Variants in RPAP2 observed in about 807,000 individuals in gnomAD.
RPAP2 encodes RNA polymerase II associated protein 2.
In RPAP2, 52 loss-of-function variants were observed where a neutral mutation model predicts 73.1. The observed-to-expected ratio is 0.71, with a 90% CI of 0.57 to 0.90. The LOEUF (loss-of-function observed/expected upper bound fraction) is 0.90, where lower values mean the gene tolerates loss of function less well. RPAP2 is among the 40% of genes least tolerant of loss of function. The pLI, the probability that RPAP2 is intolerant of heterozygous loss-of-function variation, is 0.00. For missense variants in RPAP2, 598 were observed against 701.8 expected (o/e 0.85, Z 1.67); for synonymous variants, 225 against 242.1 (o/e 0.93, Z 0.65).
rs1203128953 is a variant in RPAP2, at chr1:92,390,270, C to A, written c.*3259C>A. On this transcript the variant is annotated 3_prime_UTR_variant, in exon 13 of 13. Transcript: ENST00000610020. ...ATTCTTAAAGAAAAGAATTTTCAACCCAGAATCTCATATCCAGCCAAACTA... is the reference window on the plus strand; with the variant it reads ...ATTCTTAAAGAAAAGAATTTTCAACACAGAATCTCATATCCAGCCAAACTA... The A allele has an allele frequency of 2.0e-5, 3 of 152,146 alleles. No individual in the cohort carries two copies. Among genetic ancestry groups the A allele is most frequent in the Non-Finnish European group, 4.4e-5 (3 of 68,034 alleles). The allele number at this position is 152,146 out of a possible 1,614,324, so 9.4% of individuals were successfully genotyped here. A position where few individuals can be genotyped will look rare whatever the true frequency, so the allele number is the denominator to read the frequency against.
chr1:92,320,188 C>T (rs7529971), intron 6 of RPAP2, among the ~76,000 whole-genome samples: 5,628 of 152,124 alleles, frequency 0.037, 266 homozygotes, highest in African/African-American at 0.11. Context: ...TTGAACTTAA[C>T]CCTGAAAAGT....
rs1332879316 is a variant in RPAP2 at position 92,395,434 on chromosome 1, G to T, written c.*8423G>T. The T allele has an allele frequency of 6.6e-6, 1 of 152,028 alleles. No individual in the cohort carries two copies. The highest frequency in any genetic ancestry group is 2.4e-5 in the African/African-American group (1 of 41,384). 9.4% of individuals were successfully genotyped at this position (152,028 alleles called of 1,614,324 possible). A position where few individuals can be genotyped will look rare whatever the true frequency, so the allele number is the denominator to read the frequency against. ...GTGGACCACTTGAGCTCAGGAATTT[G>T]AGACCAGACTGGACAACAGAGCAAA... On this transcript the variant is annotated 3_prime_UTR_variant, in exon 13 of 13. Transcript: ENST00000610020.
At chr1:92,304,160 C>T in intron 4 of RPAP2, 85 bp downstream of exon 4, 1 of 1,235,374 alleles carries the variant, frequency 8.1e-7, no homozygotes, top group Non-Finnish European at 1.2e-6. Context: ...GAAATAAAAC[C>T]TAAGGTCATG....
At chr1:92,312,412 G>A (rs10783154) in intron 6 of RPAP2, among the ~76,000 whole-genome samples, 72,076 of 137,294 alleles carry the variant, frequency 0.52, 18,191 homozygotes, top group East Asian at 0.97. Flanking sequence ...GAGCAAGACC[G>A]TGTCTCAAAA....
intron 8 of RPAP2, among the ~76,000 whole-genome samples, chr1:92,328,097 C>T (rs2101201538): frequency 6.6e-6 from 1 of 152,286 alleles, no homozygotes; most frequent in South Asian, 2.1e-4. Flanking sequence ...TTCTTTCCTT[C>T]ATCTTGACTT....
intron 8 of RPAP2, among the ~76,000 whole-genome samples, chr1:92,330,821 C>A (rs1210675485): frequency 6.6e-6 from 1 of 152,156 alleles, no homozygotes; most frequent in African/African-American, 2.4e-5. Flanking sequence ...TAGACTAATA[C>A]AGTGCTTACT....
intron 11 of RPAP2, among the ~76,000 whole-genome samples, chr1:92,377,921 AGTT>A (rs965821726): frequency 1.3e-5 from 2 of 152,238 alleles, no homozygotes; most frequent in African/African-American, 4.8e-5. Context: ...TAACTAAGGC[AGTT>A]GATAGAGGGG....
chr1:92,377,565 T>C (rs1655439667), intron 11 of RPAP2, among the ~76,000 whole-genome samples: 1 of 149,602 alleles, frequency 6.7e-6, no homozygotes. Flanking sequence ...ACATAGTTCC[T>C]CTAGGGCTTG....
rs74437487 is a variant in RPAP2, at chr1:92,396,215, T to G, written c.*9204T>G. 2 of 151,724 alleles carry G rather than the reference T, an allele frequency of 1.3e-5. No homozygotes were observed. Among genetic ancestry groups the G allele is most frequent in the Non-Finnish European group, 2.9e-5 (2 of 67,884 alleles). 9.4% of individuals were successfully genotyped at this position (151,724 alleles called of 1,614,324 possible). On this transcript the variant is annotated 3_prime_UTR_variant, in exon 13 of 13. Coordinates refer to ENST00000610020, the MANE Select transcript of RPAP2 (RefSeq NM_024813.3). ...AACTACTGGATTTTTTTTTTTTTTT[T>G]AAGAGATGAGGCCTCACTATGTTGC... is the stretch of plus-strand genomic sequence containing the variant.
chr1:92,383,797 C>T (rs1405989090), intron 12 of RPAP2, among the ~76,000 whole-genome samples: 1 of 152,052 alleles, frequency 6.6e-6, no homozygotes, highest in East Asian at 1.9e-4. Context: ...ACTTCCAACG[C>T]TATGTTGAAT....
chr1:92,375,529 T>C (rs1323259583), intron 11 of RPAP2, among the ~76,000 whole-genome samples: 1 of 152,004 alleles, frequency 6.6e-6, no homozygotes, highest in Non-Finnish European at 1.5e-5. Flanking sequence ...ACCCTGTCTC[T>C]ACTAAAAATA....
At position 92,361,394 on chromosome 1, in the gene RPAP2, T is replaced by C. The variant is rs1315238594; in HGVS notation, c.1688+15480T>C. ...TAAGCATTCAGTGAATATTTGTTGA[T>C]ACATCAAAAGAATGAATGGATGGGA... On this transcript the variant is annotated intron_variant, in intron 11 of 12. Transcript: ENST00000610020. 2.0e-5 allele frequency among the ~76,000 whole-genome samples: 3 copies of C among 152,176 alleles called. No individual in the cohort carries two copies. The East Asian group carries it at 5.8e-4, about 29-fold the overall frequency.
chr1:92,304,124 A>G, intron 4 of RPAP2, 49 bp downstream of exon 4: 1 of 1,387,416 alleles, frequency 7.2e-7, no homozygotes. Flanking sequence ...ATTTTCATTT[A>G]GCAAAATACT....
At position 92,336,504 on chromosome 1, in the gene RPAP2, A is replaced by C. The variant is rs72960809; in HGVS notation, c.1619+77A>C. On this transcript the variant is annotated intron_variant, in intron 10 of 12. Coordinates refer to ENST00000610020, the MANE Select transcript of RPAP2 (RefSeq NM_024813.3). The stretch of plus-strand genomic sequence containing the variant: ...TGCCTTGCAGAATCCAAAGGCACAG[A>C]GAAAGTAAGTGACTTACCTTTCAAT... 11,623 of 963,716 alleles carry C rather than the reference A, an allele frequency of 0.012. 888 individuals are homozygous for C. The African/African-American group carries it at 0.17, about 14-fold the overall frequency. 59.7% of individuals were successfully genotyped at this position (963,716 alleles called of 1,614,324 possible). A position where few individuals can be genotyped will look rare whatever the true frequency, so the allele number is the denominator to read the frequency against.
chr1:92,386,106 G>A (rs1655854937), intron 12 of RPAP2, among the ~76,000 whole-genome samples: 1 of 152,218 alleles, frequency 6.6e-6, no homozygotes, highest in South Asian at 2.1e-4. Flanking sequence ...GAGCCAGTGA[G>A]AGAGGATACC....
At chr1:92,359,558 G>T (rs1295742478) in intron 11 of RPAP2, among the ~76,000 whole-genome samples, 1 of 152,154 alleles carries the variant, frequency 6.6e-6, no homozygotes, top group Non-Finnish European at 1.5e-5. Context: ...GACCTCAGAT[G>T]ATTCACCCGC....
chr1:92,373,726 T>G (rs1655251173), intron 11 of RPAP2, among the ~76,000 whole-genome samples: 1 of 99,412 alleles, frequency 1.0e-5, no homozygotes, highest in South Asian at 4.0e-4. Flanking sequence ...TGAAACCCCG[T>G]CTCTACTAAA....
intron 3 of RPAP2, among the ~76,000 whole-genome samples, chr1:92,302,452 TTC>T (rs1238356255): frequency 2.6e-5 from 4 of 152,062 alleles, no homozygotes; most frequent in Non-Finnish European, 5.9e-5. Flanking sequence ...GTTTTCTATA[TTC>T]TGTGTTGTGT....
At chr1:92,370,839 A>AAAAAT (rs1456136272) in intron 11 of RPAP2, among the ~76,000 whole-genome samples, 1 of 152,196 alleles carries the variant, frequency 6.6e-6, no homozygotes, top group African/African-American at 2.4e-5. Context: ...TTTACCTAAA[A>AAAAAT]AAAATAAAAA....
Sources: allele counts gnomAD v4.1 joint callset (sites outside exome capture counted in the v4.1 genomes callset), GRCh38; gene constraint gnomAD v4.1.1; transcripts MANE v1.5; gene names NCBI Gene and HGNC (gene_info 2026-07-23, HGNC 2026-07-21).